Variants in ABI2 observed in about 807,000 individuals in gnomAD.
ABI2 encodes abelson interactor 2.
Under a neutral mutation model 59.2 loss-of-function variants are expected in ABI2, and 25 were observed. The ratio of observed to expected loss-of-function variants is 0.42; its 90% confidence interval spans 0.31 to 0.59. The LOEUF (loss-of-function observed/expected upper bound fraction) is 0.59. ABI2 is among the 20% of genes least tolerant of loss of function. The pLI is 0.14. For synonymous variants in ABI2, 213 were observed against 235.5 expected (o/e 0.90, Z 0.87); for missense variants, 545 against 681.8 (o/e 0.80, Z 2.23).
intron 2 of ABI2, among the ~76,000 whole-genome samples, chr2:203,376,359 A>G (rs1216834973): frequency 6.6e-6 from 1 of 152,218 alleles, no homozygotes; most frequent in Non-Finnish European, 1.5e-5. Flanking sequence ...CCAAAATGTC[A>G]ATAGTGCCAC....
chr2:203,403,753 T>TTG lies in ABI2; in HGVS notation c.1192+1020_1192+1021insGT, dbSNP rs1217592814. Among the ~76,000 whole-genome samples, 13 of 145,998 alleles carry TTG rather than the reference T, an allele frequency of 8.9e-5. No homozygotes were observed. In the East Asian group the frequency reaches 1.8e-3, roughly 20 times the overall value. ...TGTTCTTTCTTTCTGTTTTTTTTTT[T>TTG]TTTTTTTTTTTAAATTGAGATGGAG... On this transcript the variant is annotated intron_variant, in intron 9 of 11. Transcript: ENST00000261018.
intron 1 of ABI2, among the ~76,000 whole-genome samples, chr2:203,344,567 GTTT>G (rs56966940): frequency 6.9e-6 from 1 of 144,012 alleles, no homozygotes; most frequent in Admixed American, 7.0e-5. Flanking sequence ...TGTTGTTTTT[GTTT>G]TTTTTTTTTG....
intron 11 of ABI2, among the ~76,000 whole-genome samples, chr2:203,417,520 A>T (rs1231229924): frequency 6.6e-6 from 1 of 152,240 alleles, no homozygotes; most frequent in East Asian, 1.9e-4. Flanking sequence ...AATATTGGGC[A>T]TTTCTTTTAG....
At chr2:203,372,520 C>T (rs975345639) in intron 2 of ABI2, among the ~76,000 whole-genome samples, 6 of 150,994 alleles carry the variant, frequency 4.0e-5, no homozygotes, top group African/African-American at 1.5e-4. Context: ...CAGAGGCGCC[C>T]CTCATCTCCC....
chr2:203,403,981 G>C (rs548683829), intron 9 of ABI2, among the ~76,000 whole-genome samples: 1 of 152,034 alleles, frequency 6.6e-6, no homozygotes, highest in South Asian at 2.1e-4. Flanking sequence ...TTAAACTCCT[G>C]ACCTTAAGTG....
intron 1 of ABI2, among the ~76,000 whole-genome samples, chr2:203,352,021 G>A (rs1182841088): frequency 6.6e-6 from 1 of 152,136 alleles, no homozygotes; most frequent in Non-Finnish European, 1.5e-5. Flanking sequence ...TGGTGATTCT[G>A]GTGTAAACAA....
intron 2 of ABI2, 28 bp downstream of exon 2, chr2:203,367,072 C>T: frequency 1.3e-6 from 2 of 1,593,476 alleles, no homozygotes; most frequent in Non-Finnish European, 8.6e-7. Context: ...TCCTATTTGC[C>T]TATGAGGAAC....
At chr2:203,334,248 C>G (rs940823918) in intron 1 of ABI2, among the ~76,000 whole-genome samples, 2 of 152,006 alleles carry the variant, frequency 1.3e-5, no homozygotes, top group Non-Finnish European at 1.5e-5. Context: ...GCCTCATTTA[C>G]TTTTTCTTCT....
intron 6 of ABI2, 55 bp from the exon 7 acceptor site, chr2:203,395,601 G>A: frequency 6.5e-7 from 1 of 1,546,384 alleles, no homozygotes; most frequent in Non-Finnish European, 8.8e-7. Flanking sequence ...GGGAAGTGCT[G>A]ATGATCTCTT....
At chr2:203,345,069 C>T (rs562390262) in intron 1 of ABI2, among the ~76,000 whole-genome samples, 5 of 152,306 alleles carry the variant, frequency 3.3e-5, no homozygotes, top group Admixed American at 1.3e-4. Context: ...GGTCCTCTTC[C>T]ATGCTGTGGA....
intron 1 of ABI2, 23 bp downstream of exon 1, chr2:203,328,654 C>A: frequency 6.7e-7 from 1 of 1,498,246 alleles, no homozygotes; most frequent in Non-Finnish European, 9.0e-7. Flanking sequence ...CCCAGCTGGG[C>A]CGCGTCGGGG....
intron 4 of ABI2, among the ~76,000 whole-genome samples, chr2:203,385,922 A>AT (rs1205952433): frequency 1.3e-5 from 2 of 151,764 alleles, no homozygotes; most frequent in African/African-American, 4.8e-5. Context: ...TCTGTGTTTT[A>AT]TTGTTGGACT....
chr2:203,422,319 A>G (rs1303961534), intron 11 of ABI2, among the ~76,000 whole-genome samples: 4 of 152,150 alleles, frequency 2.6e-5, no homozygotes, highest in African/African-American at 7.2e-5. Flanking sequence ...GAGAGTCCCT[A>G]TAAACTGTCT....
intron 2 of ABI2, among the ~76,000 whole-genome samples, chr2:203,376,845 C>T (rs1559267565): frequency 1.3e-5 from 2 of 151,100 alleles, no homozygotes; most frequent in Non-Finnish European, 1.5e-5. Flanking sequence ...AATCCCTAGA[C>T]CAAGTCACAT....
At chr2:203,375,576 A>G (rs952077152) in intron 2 of ABI2, among the ~76,000 whole-genome samples, 1 of 152,210 alleles carries the variant, frequency 6.6e-6, no homozygotes, top group African/African-American at 2.4e-5. Context: ...TGATACTGTG[A>G]ATTTGATGTA....
intron 1 of ABI2, among the ~76,000 whole-genome samples, chr2:203,338,983 AATATATATATATATATATATAT>A (rs1212962939): frequency 8.1e-5 from 1 of 12,356 alleles, no homozygotes; most frequent in South Asian, 2.7e-3. Flanking sequence ...TATATATATA[AATATATATATATATATATATAT>A]ATAAAGGATT....
intron 4 of ABI2, among the ~76,000 whole-genome samples, chr2:203,389,814 C>T (rs1175647483): frequency 6.6e-6 from 1 of 152,180 alleles, no homozygotes; most frequent in Non-Finnish European, 1.5e-5. Context: ...TTTTTCTTAG[C>T]TTTTTGAGAT....
At chr2:203,392,308 CCACCACCAACAACAA>C (rs572942508) in intron 5 of ABI2, among the ~76,000 whole-genome samples, 9,560 of 106,436 alleles carry the variant, frequency 0.09, 518 homozygotes, top group Non-Finnish European at 0.13. Flanking sequence ...ACCACCACCA[CCACCACCAACAACAA>C]CAACAACAAC....
At chr2:203,352,800 G>A (rs530739045) in intron 1 of ABI2, among the ~76,000 whole-genome samples, 45 of 152,312 alleles carry the variant, frequency 3.0e-4, no homozygotes, top group Non-Finnish European at 6.0e-4. Context: ...CTATTACCCA[G>A]ACATGTTCTA....
Sources: allele counts gnomAD v4.1 joint callset (sites outside exome capture counted in the v4.1 genomes callset), GRCh38; gene constraint gnomAD v4.1.1; transcripts MANE v1.5; gene names NCBI Gene and HGNC (gene_info 2026-07-23, HGNC 2026-07-21).